The following CARMIL1 variants were observed in gnomAD, a reference collection of about 807,000 sequenced individuals.
CARMIL1 encodes the protein capping protein regulator and myosin 1 linker 1, also known as F-actin-uncapping protein LRRC16A.
In CARMIL1, 90 loss-of-function variants were observed where a neutral mutation model predicts 177.1. The observed-to-expected ratio is 0.51, with a 90% CI of 0.43 to 0.61. The LOEUF (loss-of-function observed/expected upper bound fraction) is 0.61. CARMIL1 is among the 20% of genes least tolerant of loss of function. The pLI, the probability that CARMIL1 is intolerant of heterozygous loss-of-function variation, is 0.00. For synonymous variants in CARMIL1, 577 were observed against 606.2 expected (o/e 0.95, Z 0.71); for missense variants, 1,380 against 1,667.0 (o/e 0.83, Z 3.00).
At chr6:25,365,320 T>C (rs1249741469) in intron 2 of CARMIL1, among the ~76,000 whole-genome samples, 1 of 152,206 alleles carries the variant, frequency 6.6e-6, no homozygotes, top group Non-Finnish European at 1.5e-5. Context: ...ATCTTTGGCT[T>C]GCAGCCCATC....
intron 3 of CARMIL1, 92 bp from the exon 4 acceptor site, chr6:25,426,409 A>G (rs972094725): frequency 4.8e-6 from 4 of 833,358 alleles, no homozygotes; most frequent in Non-Finnish European, 3.6e-6. Flanking sequence ...TTCTAGTTGT[A>G]GGATTTTTTT....
chr6:25,504,120 C>T (rs1295777841), intron 17 of CARMIL1, among the ~76,000 whole-genome samples: 1 of 152,102 alleles, frequency 6.6e-6, no homozygotes, highest in East Asian at 1.9e-4. Flanking sequence ...AATTTTTGAT[C>T]CAGATTTAGT....
rs1491379629 is a variant in CARMIL1 at position 25,441,371 on chromosome 6, GTC to G, written c.371+5769_371+5770del. 5.2e-3 allele frequency among the ~76,000 whole-genome samples: 643 copies of G among 122,814 alleles called. 3 individuals carry two copies. The highest frequency in any genetic ancestry group is 8.6e-3 in the South Asian group (34 of 3,942). 80.6% of individuals were successfully genotyped at this position (122,814 alleles called of 152,430 possible). Reference sequence around the variant, plus strand: ...TGTGTGTGTGTGTGTGTGTGTGTGTGTCTATGTGTGTGTGTGTGTATGTATAT... The same window carrying G: ...TGTGTGTGTGTGTGTGTGTGTGTGTGTATGTGTGTGTGTGTGTATGTATAT... On this transcript the variant is annotated intron_variant, in intron 5 of 36. Coordinates refer to ENST00000329474, the MANE Select transcript of CARMIL1 (RefSeq NM_017640.6).
chr6:25,488,458 G>C (rs977492670), intron 12 of CARMIL1, 24 bp from the exon 13 acceptor site: 2 of 1,582,030 alleles, frequency 1.3e-6, no homozygotes, highest in African/African-American at 2.7e-5. Flanking sequence ...TGCAAACTGA[G>C]CCTGGATTTT....
chr6:25,503,900 G>A (rs1804666364), intron 17 of CARMIL1, among the ~76,000 whole-genome samples: 1 of 152,068 alleles, frequency 6.6e-6, no homozygotes, highest in South Asian at 2.1e-4. Flanking sequence ...TGATCATTGT[G>A]CTTGGGGCCG....
chr6:25,419,764 G>C (rs759381011), intron 2 of CARMIL1, among the ~76,000 whole-genome samples: 1 of 152,088 alleles, frequency 6.6e-6, no homozygotes, highest in African/African-American at 2.4e-5. Flanking sequence ...CATTAAGTTT[G>C]CTGTTGATAT....
intron 20 of CARMIL1, 58 bp downstream of exon 20, chr6:25,510,820 T>C (rs1369546935): frequency 4.2e-6 from 4 of 962,024 alleles, no homozygotes; most frequent in Non-Finnish European, 6.3e-6. Flanking sequence ...TTCTTACTGA[T>C]TATTTCTACT....
Position 25,551,010 on chromosome 6 carries a change from A to C in CARMIL1, c.2429A>C (p.Lys810Thr). Residue 810 changes from lysine to threonine, a missense_variant, in exon 27 of 37, where the codon AAG becomes ACG. By Grantham distance (78) the Lys-to-Thr change is moderately conservative. Coordinates refer to ENST00000329474, the MANE Select transcript of CARMIL1 (RefSeq NM_017640.6). ...RQDLIHASTE[K>T]ISIPRTFVKN... ...GACTTGATTCATGCCAGCACCGAAAAGATTTCTATTCCACGTACCTTTGTT... is the reference window on the plus strand; with the variant it reads ...GACTTGATTCATGCCAGCACCGAAACGATTTCTATTCCACGTACCTTTGTT... 6.2e-7 allele frequency: 1 copy of C among 1,613,576 alleles called. No individual in the cohort carries two copies. Among genetic ancestry groups the C allele is most frequent in the Non-Finnish European group, 8.5e-7 (1 of 1,179,582 alleles).
At chr6:25,416,436 A>G (rs114785446) in intron 2 of CARMIL1, among the ~76,000 whole-genome samples, 1,701 of 152,280 alleles carry the variant, frequency 0.011, 32 homozygotes, top group African/African-American at 0.039. Context: ...CTGTTTCTTC[A>G]TCTTAAAATG....
intron 2 of CARMIL1, among the ~76,000 whole-genome samples, chr6:25,308,704 G>A (rs1490310721): frequency 1.3e-5 from 2 of 151,630 alleles, no homozygotes; most frequent in Non-Finnish European, 2.9e-5. Flanking sequence ...CAGTGAAACA[G>A]GGAAACATAA....
intron 24 of CARMIL1, among the ~76,000 whole-genome samples, chr6:25,536,295 T>C (rs1043984152): frequency 5.3e-5 from 8 of 152,140 alleles, no homozygotes; most frequent in African/African-American, 1.9e-4. Context: ...TTAAAAAACT[T>C]ATAGTTAGCT....
Position 25,600,619 on chromosome 6 carries a change from A to G in CARMIL1, c.3425A>G (p.Lys1142Arg). The G allele has an allele frequency of 6.2e-7, 1 of 1,613,982 alleles. No homozygotes were observed. The highest frequency in any genetic ancestry group is 8.5e-7 in the Non-Finnish European group (1 of 1,179,868). ...GAGAGTCAAGGGGAAGAAATAGGGA[A>G]GGTGGAACGGAGTGACAGCAAGAGC... is the stretch of plus-strand genomic sequence containing the variant. ...FEESQGEEIG[K>R]VERSDSKSSP... is the part of the protein sequence containing the mutation. Residue 1142 changes from lysine to arginine, a missense_variant, in exon 33 of 37, where the codon AAG becomes AGG. Physicochemically the swap from Lys to Arg is conservative, Grantham distance 26. Transcript: ENST00000329474.
chr6:25,616,935 T>A (rs928316587), intron 36 of CARMIL1, among the ~76,000 whole-genome samples: 4 of 152,234 alleles, frequency 2.6e-5, no homozygotes, highest in Non-Finnish European at 5.9e-5. Context: ...TGTTCTTGAA[T>A]GGTGCTTACC....
In CARMIL1 at chr6:25,556,910, T is replaced by G. The variant is rs1194299110; in HGVS notation, c.2742+60T>G. 43 of 1,491,196 alleles carry G rather than the reference T, an allele frequency of 2.9e-5. 1 individual carries two copies. Among genetic ancestry groups the G allele is most frequent in the Non-Finnish European group, 3.9e-5 (43 of 1,109,316 alleles). The allele number at this position is 1,491,196 out of a possible 1,614,324, so 92.4% of individuals were successfully genotyped here. ...TTCACTGGACTGTGCCATTGTTTTT[T>G]TTTTTTTTTTTAAATCTCACCTTTT... On this transcript the variant is annotated intron_variant, in intron 29 of 36. Transcript: ENST00000329474.
At chr6:25,458,332 C>A (rs971144353) in intron 8 of CARMIL1, among the ~76,000 whole-genome samples, 3 of 151,668 alleles carry the variant, frequency 2.0e-5, no homozygotes, top group African/African-American at 4.8e-5. Context: ...ACTAAAAATA[C>A]AAAAAATTAG....
At chr6:25,472,568 T>C in intron 11 of CARMIL1, 47 bp downstream of exon 11, 2 of 1,431,534 alleles carry the variant, frequency 1.4e-6, no homozygotes. Flanking sequence ...TGTAAGAGGA[T>C]TAGAGAATTT....
At chr6:25,342,566 G>A (rs1381259928) in intron 2 of CARMIL1, among the ~76,000 whole-genome samples, 2 of 152,066 alleles carry the variant, frequency 1.3e-5, no homozygotes, top group Admixed American at 1.3e-4. Context: ...CATATAGGAA[G>A]GGCTAAGTGT....
At position 25,326,197 on chromosome 6, in the gene CARMIL1, T is replaced by C. The variant is rs1785078830; in HGVS notation, c.138+41288T>C. Among the ~76,000 whole-genome samples the C allele has an allele frequency of 6.6e-6, 1 of 152,120 alleles. No homozygotes were observed. Among genetic ancestry groups the C allele is most frequent in the East Asian group, 1.9e-4 (1 of 5,174 alleles). Reference sequence around the variant, plus strand: ...TGAGACATTTTTGAGAAAATAACATTTAAGATGAGGCCTGAAGGAAAATAG... The same window carrying C: ...TGAGACATTTTTGAGAAAATAACATCTAAGATGAGGCCTGAAGGAAAATAG... On this transcript the variant is annotated intron_variant, in intron 2 of 36. Transcript: ENST00000329474. This position sits in a 1 kb window ranked among gnomAD's most constrained non-coding sequence, Gnocchi z 4.2.
At chr6:25,536,387 G>A (rs2151121173) in intron 24 of CARMIL1, among the ~76,000 whole-genome samples, 1 of 152,198 alleles carries the variant, frequency 6.6e-6, no homozygotes, top group Admixed American at 6.5e-5. Flanking sequence ...TCTTGTCTTA[G>A]ATTTTTAGGG....
Sources: gnomAD v4.1 joint callset for allele counts (sites outside exome capture counted in the v4.1 genomes callset) on GRCh38, gnomAD v4.1.1 for gene constraint, Gnocchi (gnomAD v3.1) non-coding constraint, MANE v1.5 for transcripts, NCBI Gene and HGNC (gene_info 2026-07-23, HGNC 2026-07-21) for gene names.